CTNNA2: variants seen among roughly 807,000 people sequenced by gnomAD.
The protein encoded by CTNNA2 is catenin alpha-2.
Under a neutral mutation model 101.0 loss-of-function variants are expected in CTNNA2, and 42 were observed. The observed-to-expected ratio is 0.42, with a 90% confidence interval of 0.32 to 0.54. The LOEUF (loss-of-function observed/expected upper bound fraction) is 0.54. Ranked by LOEUF, CTNNA2 falls within the 20% of genes least tolerant of loss-of-function variation. CTNNA2 has a pLI of 0.14. For synonymous variants in CTNNA2, 450 were observed against 456.4 expected, an observed-to-expected ratio of 0.99 and a Z score of 0.18; for missense variants, 871 against 1,223.1, an observed-to-expected ratio of 0.71 and a Z score of 4.29.
intron 18 of CTNNA2, among the ~76,000 whole-genome samples, chr2:80,643,928 T>G (rs979543124): frequency 6.6e-6 from 1 of 152,126 alleles, no homozygotes; most frequent in African/African-American, 2.4e-5. Flanking sequence ...AATCACAGAT[T>G]GTGAGAGATG....
chr2:80,212,952 G>A (rs1423613689), intron 7 of CTNNA2, among the ~76,000 whole-genome samples: 2 of 152,226 alleles, frequency 1.3e-5, no homozygotes, highest in East Asian at 1.9e-4. Context: ...GAGGGTGTAT[G>A]TGTCGAGGAA....
intron 2 of CTNNA2, among the ~76,000 whole-genome samples, chr2:79,282,897 C>G (rs1414306373): frequency 3.1e-5 from 3 of 95,674 alleles, no homozygotes; most frequent in Admixed American, 1.2e-4. Flanking sequence ...GTTCCTATTT[C>G]TCCACATCCT....
At chr2:79,635,417 G>A (rs1460669151) in intron 1 of CTNNA2, among the ~76,000 whole-genome samples, 1 of 151,826 alleles carries the variant, frequency 6.6e-6, no homozygotes, top group Middle Eastern at 3.2e-3. Context: ...GGGTGGCAGA[G>A]CTAGCAGAGC....
intron 6 of CTNNA2, among the ~76,000 whole-genome samples, chr2:79,887,596 T>G (rs1315799444): frequency 6.6e-6 from 1 of 152,210 alleles, no homozygotes; most frequent in Non-Finnish European, 1.5e-5. Flanking sequence ...CTACAAAGTC[T>G]AGGATTTTTC....
intron 7 of CTNNA2, among the ~76,000 whole-genome samples, chr2:80,199,926 G>A (rs1179651815): frequency 6.6e-6 from 1 of 152,220 alleles, no homozygotes; most frequent in African/African-American, 2.4e-5. Flanking sequence ...CTCTCAGGGA[G>A]AGCAGAGGGC....
intron 7 of CTNNA2, among the ~76,000 whole-genome samples, chr2:80,153,726 A>G (rs143227510): frequency 4.7e-4 from 72 of 152,284 alleles, no homozygotes; most frequent in Admixed American, 1.6e-3. Flanking sequence ...AACAACAACA[A>G]TATTCAACAA....
chr2:79,709,193 C>A (rs1462894118), intron 2 of CTNNA2, among the ~76,000 whole-genome samples: 1 of 152,158 alleles, frequency 6.6e-6, no homozygotes, highest in Non-Finnish European at 1.5e-5. Context: ...AAGGTGACAG[C>A]TCTTACATTT....
At chr2:79,870,997 T>C (rs1487876119) in intron 5 of CTNNA2, among the ~76,000 whole-genome samples, 1 of 152,254 alleles carries the variant, frequency 6.6e-6, no homozygotes, top group African/African-American at 2.4e-5. Flanking sequence ...CTCTGTTTGC[T>C]CACTGGATAC....
intron 3 of CTNNA2, among the ~76,000 whole-genome samples, chr2:79,818,965 C>T (rs560965713): frequency 1.4e-5 from 2 of 144,202 alleles, no homozygotes; most frequent in Admixed American, 1.4e-4. Flanking sequence ...TGTTTCTCCT[C>T]CATATTCTTT....
chr2:79,755,325 A>G (rs1458816352), intron 3 of CTNNA2, among the ~76,000 whole-genome samples: 1 of 152,154 alleles, frequency 6.6e-6, no homozygotes, highest in East Asian at 1.9e-4. Flanking sequence ...AGCAAGAGCA[A>G]ATGATACAGT....
At chr2:80,593,505 A>G (rs921158094) in intron 15 of CTNNA2, among the ~76,000 whole-genome samples, 5 of 152,128 alleles carry the variant, frequency 3.3e-5, no homozygotes, top group Non-Finnish European at 7.4e-5. Flanking sequence ...ATTATGGTAT[A>G]CATCATGAAG....
chr2:79,579,678 G>C lies in CTNNA2; in HGVS notation c.-6+66471G>C, dbSNP rs10176370. On this transcript the variant is annotated intron_variant, in intron 1 of 18. Coordinates refer to ENST00000402739, the MANE Select transcript of CTNNA2 (RefSeq NM_001282597.3). ...TGCCCAGGCTGGAGTGCCATGGCAC[G>C]ATCTTGGCTCACTGCAACCTCCTCC... Among the ~76,000 whole-genome samples, 671 of 152,164 alleles carry C rather than the reference G, an allele frequency of 4.4e-3. 10 individuals carry two copies. Among genetic ancestry groups the C allele is most frequent in the African/African-American group, 0.015 (635 of 41,524 alleles).
chr2:80,603,645 A>G (rs1377619546), intron 15 of CTNNA2: 1 of 154,882 alleles, frequency 6.5e-6, no homozygotes, highest in African/African-American at 2.4e-5. Flanking sequence ...TGACCTGTAT[A>G]AGCTTGGATA....
At chr2:79,599,014 A>G (rs1677379490) in intron 1 of CTNNA2, among the ~76,000 whole-genome samples, 3 of 152,106 alleles carry the variant, frequency 2.0e-5, no homozygotes, top group African/African-American at 7.2e-5. Flanking sequence ...CGCTTTTTTT[A>G]ATGTGAATAT....
chr2:80,392,282 T>C (rs1221970596), intron 7 of CTNNA2, among the ~76,000 whole-genome samples: 3 of 152,200 alleles, frequency 2.0e-5, no homozygotes, highest in African/African-American at 7.2e-5. Flanking sequence ...AATAATTGAC[T>C]TGCCACTAGC....
chr2:80,092,911 A>G (rs557032303), intron 7 of CTNNA2, among the ~76,000 whole-genome samples: 1 of 152,132 alleles, frequency 6.6e-6, no homozygotes, highest in African/African-American at 2.4e-5. Context: ...TTATACATGC[A>G]TATTTTATAA....
At chr2:80,454,957 C>T (rs1253136153) in intron 9 of CTNNA2, among the ~76,000 whole-genome samples, 1 of 152,248 alleles carries the variant, frequency 6.6e-6, no homozygotes, top group Non-Finnish European at 1.5e-5. Context: ...AGAATCAGAG[C>T]TCAGTCCCTT....
At chr2:79,624,107 C>T (rs1679163392) in intron 1 of CTNNA2, among the ~76,000 whole-genome samples, 1 of 152,010 alleles carries the variant, frequency 6.6e-6, no homozygotes. Flanking sequence ...GGAACTTCCC[C>T]ATTTTCTTTT....
At chr2:80,237,735 A>G (rs1709620414) in intron 7 of CTNNA2, among the ~76,000 whole-genome samples, 1 of 152,188 alleles carries the variant, frequency 6.6e-6, no homozygotes, top group Non-Finnish European at 1.5e-5. Flanking sequence ...TTTCATAGGC[A>G]TGAGTTCTTA....
Sources: allele counts gnomAD v4.1 joint callset (sites outside exome capture counted in the v4.1 genomes callset), GRCh38; gene constraint gnomAD v4.1.1; transcripts MANE v1.5; gene names NCBI Gene and HGNC (gene_info 2026-07-23, HGNC 2026-07-21).